KPNA1: variants seen among roughly 807,000 people sequenced by gnomAD.
KPNA1 encodes karyopherin subunit alpha 1.
A neutral mutation model predicts 70.5 loss-of-function variants in KPNA1; 10 were observed. That is an observed-to-expected ratio of 0.14 (90% CI 0.09 to 0.24). KPNA1 has a LOEUF of 0.24. Ranked by LOEUF, KPNA1 falls within the 10% of genes least tolerant of loss-of-function variation. KPNA1 has a pLI of 1.00. For missense variants in KPNA1, 397 were observed against 637.9 expected (o/e 0.62, Z 4.07); for synonymous variants, 192 against 221.9 (o/e 0.87, Z 1.20).
chr3:122,436,146 GATGA>G (rs1185182604), intron 11 of KPNA1, among the ~76,000 whole-genome samples: 1 of 152,154 alleles, frequency 6.6e-6, no homozygotes, highest in Admixed American at 6.6e-5. Context: ...GTGGATAAGG[GATGA>G]AATAAACCCC....
rs1443855442 is a variant in KPNA1, at chr3:122,423,045, G to GTATA, written c.*3939_*3940insTATA. 2 of 152,154 alleles carry GTATA rather than the reference G, an allele frequency of 1.3e-5. No homozygotes were observed. The highest frequency in any genetic ancestry group is 2.9e-5 in the Non-Finnish European group (2 of 68,022). 9.4% of individuals were successfully genotyped at this position (152,154 alleles called of 1,614,324 possible). Reference sequence around the variant, plus strand: ...CATTGTTATAACCTGTATATAACCTGTAATCCTGAACTGCTGGGATTACAG... The same window carrying GTATA: ...CATTGTTATAACCTGTATATAACCTGTATATAATCCTGAACTGCTGGGATTACAG... On this transcript the variant is annotated 3_prime_UTR_variant, in exon 14 of 14. Coordinates refer to ENST00000344337, the MANE Select transcript of KPNA1 (RefSeq NM_002264.4).
At chr3:122,452,603 A>G (rs1190752124) in intron 6 of KPNA1, among the ~76,000 whole-genome samples, 32 of 68,446 alleles carry the variant, frequency 4.7e-4, no homozygotes, top group East Asian at 1.1e-3. Flanking sequence ...GGAAGGAAGG[A>G]AGGAAGGGAG....
intron 3 of KPNA1, among the ~76,000 whole-genome samples, chr3:122,465,047 A>G (rs1233072186): frequency 6.6e-6 from 1 of 152,216 alleles, no homozygotes; most frequent in African/African-American, 2.4e-5. Context: ...CATTAAGCAA[A>G]TATCTTTTTC....
intron 10 of KPNA1, 85 bp from the exon 11 acceptor site, chr3:122,437,380 A>G (rs906608872): frequency 3.1e-6 from 3 of 957,272 alleles, no homozygotes; most frequent in Admixed American, 6.0e-5. Context: ...TATGAAAGAC[A>G]TAACATCTCC....
At chr3:122,459,478 G>GT (rs2076299038) in intron 5 of KPNA1, 3 of 985,356 alleles carry the variant, frequency 3.0e-6, no homozygotes, top group Non-Finnish European at 3.6e-6. Flanking sequence ...ATAAACTGCA[G>GT]TAAGGTTCCT....
In KPNA1 at chr3:122,433,571, T is replaced by C. The variant is rs373653197; in HGVS notation, c.1250+90A>G. 69 of 1,069,320 alleles carry C rather than the reference T, an allele frequency of 6.5e-5. No individual in the cohort carries two copies. In the East Asian group the frequency reaches 1.1e-3, roughly 17 times the overall value. The allele number at this position is 1,069,320 out of a possible 1,614,324, so 66.2% of individuals were successfully genotyped here. A position where few individuals can be genotyped will look rare whatever the true frequency, so the allele number is the denominator to read the frequency against. On this transcript the variant is annotated intron_variant, in intron 12 of 13. Transcript: ENST00000344337. ...TTCCCCTCAAAGGCAGCTAATCTTT[T>C]ACTCTAGGTAATATGTGGGAGGTTA...
chr3:122,495,240 C>T (rs1381291423), intron 2 of KPNA1, among the ~76,000 whole-genome samples: 6 of 100,148 alleles, frequency 6.0e-5, no homozygotes, highest in Admixed American at 3.9e-4. Context: ...GGCCACAGAG[C>T]GAGACTCTGC....
intron 5 of KPNA1, among the ~76,000 whole-genome samples, chr3:122,461,000 A>G (rs1176893683): frequency 6.6e-6 from 1 of 152,204 alleles, no homozygotes; most frequent in Non-Finnish European, 1.5e-5. Context: ...ATCCACAATC[A>G]TAAACATTTT....
intron 11 of KPNA1, among the ~76,000 whole-genome samples, chr3:122,434,264 A>G (rs760212134): frequency 2.0e-5 from 3 of 152,158 alleles, no homozygotes; most frequent in Non-Finnish European, 2.9e-5. Flanking sequence ...CTGTCTTGGT[A>G]TCACTGAAAA....
chr3:122,459,646 C>T lies in KPNA1; in HGVS notation c.432+1578G>A. ...TTTTCAGGTGTCTGATGATCCTGGC[C>T]TTAGATGGGGACCAGAATTACAATC... is the stretch of plus-strand genomic sequence containing the variant. On this transcript the variant is annotated intron_variant, in intron 5 of 13. Transcript: ENST00000344337. The T allele has an allele frequency of 8.1e-6, 8 of 985,346 alleles. No individual in the cohort carries two copies. The South Asian group carries it at 1.4e-4, about 17-fold the overall frequency. The allele number at this position is 985,346 out of a possible 1,614,324, so 61.0% of individuals were successfully genotyped here. A position where few individuals can be genotyped will look rare whatever the true frequency, so the allele number is the denominator to read the frequency against.
At chr3:122,506,197 A>G (rs1252473018) in intron 1 of KPNA1, among the ~76,000 whole-genome samples, 2 of 152,168 alleles carry the variant, frequency 1.3e-5, no homozygotes, top group African/African-American at 4.8e-5. Flanking sequence ...AATGTTCTGA[A>G]TATTTAAAAT....
chr3:122,433,339 A>C (rs2075939218), intron 12 of KPNA1: 1 of 219,582 alleles, frequency 4.6e-6, no homozygotes, highest in Non-Finnish European at 8.8e-6. Flanking sequence ...ATTTCTGACA[A>C]GTAGCTCCAG....
intron 2 of KPNA1, among the ~76,000 whole-genome samples, chr3:122,468,733 G>A (rs377332950): frequency 1.8e-4 from 27 of 152,136 alleles, no homozygotes; most frequent in African/African-American, 6.3e-4. Flanking sequence ...GAACAGATAG[G>A]CAATGTAAGG....
chr3:122,432,269 T>G (rs1302116797), intron 12 of KPNA1, among the ~76,000 whole-genome samples: 2 of 152,230 alleles, frequency 1.3e-5, no homozygotes, highest in African/African-American at 2.4e-5. Flanking sequence ...ATCAGAATTT[T>G]GGAGGTTGGA....
intron 10 of KPNA1, among the ~76,000 whole-genome samples, chr3:122,439,455 G>A (rs1167275478): frequency 6.6e-6 from 1 of 152,032 alleles, no homozygotes; most frequent in Non-Finnish European, 1.5e-5. Flanking sequence ...CTCTCAAAAA[G>A]CTAGGAATAC....
chr3:122,464,664 T>G (rs575580289), intron 3 of KPNA1, among the ~76,000 whole-genome samples: 2 of 152,378 alleles, frequency 1.3e-5, no homozygotes, highest in African/African-American at 2.4e-5. Context: ...CTTTCTTGTT[T>G]TATTAAAACT....
intron 8 of KPNA1, among the ~76,000 whole-genome samples, chr3:122,450,555 C>A (rs1281985589): frequency 6.6e-6 from 1 of 152,144 alleles, no homozygotes; most frequent in African/African-American, 2.4e-5. Flanking sequence ...GCACTTCAGC[C>A]TGGGCAACAA....
At chr3:122,465,504 C>G (rs540348305) in intron 3 of KPNA1, among the ~76,000 whole-genome samples, 1 of 152,266 alleles carries the variant, frequency 6.6e-6, no homozygotes, top group East Asian at 1.9e-4. Context: ...AAATACAGTT[C>G]CTACTGATTG....
rs2077000796 is a variant in KPNA1, at chr3:122,514,833, GC to G, written c.-83del. ...CGCCCGCCCGCCGTGCCACTCCCGC[GC>G]ACAACCTCGAAGAGCTGGCCCGCGC... is the stretch of plus-strand genomic sequence containing the variant. On this transcript the variant is annotated 5_prime_UTR_variant, in exon 1 of 14. Transcript: ENST00000344337. 6.5e-6 allele frequency: 1 copy of G among 153,086 alleles called. No individual in the cohort carries two copies. Among genetic ancestry groups the G allele is most frequent in the Non-Finnish European group, 1.5e-5 (1 of 68,830 alleles). 9.5% of individuals were successfully genotyped at this position (153,086 alleles called of 1,614,324 possible).
Sources: allele counts gnomAD v4.1 joint callset (sites outside exome capture counted in the v4.1 genomes callset), GRCh38; gene constraint gnomAD v4.1.1; transcripts MANE v1.5; gene names NCBI Gene and HGNC (gene_info 2026-07-23, HGNC 2026-07-21).